Variants in ZNF766 observed in about 807,000 individuals in gnomAD.
ZNF766 encodes the protein zinc finger protein 766.
ZNF766 carries 13 observed loss-of-function variants against 13.2 expected under a neutral mutation model. The observed-to-expected ratio is 0.98, with a 90% confidence interval of 0.64 to 1.56. ZNF766 has a LOEUF of 1.56. Ranked by LOEUF, ZNF766 falls within the 40% of genes most tolerant of loss-of-function variation. The probability of loss-of-function intolerance (pLI) is 0.00; values close to 1 mark genes in which losing one functional copy is unlikely to be tolerated. For missense variants in ZNF766, 521 were observed against 552.2 expected, an observed-to-expected ratio of 0.94 and a Z score of 0.57; for synonymous variants, 178 against 187.6, an observed-to-expected ratio of 0.95 and a Z score of 0.42.
chr19:52,271,295 G>A (rs1456113177), intron 1 of ZNF766, among the ~76,000 whole-genome samples: 1 of 152,158 alleles, frequency 6.6e-6, no homozygotes, highest in Non-Finnish European at 1.5e-5. Context: ...CCTTAACTGG[G>A]ATCTGATTCT....
intron 3 of ZNF766, among the ~76,000 whole-genome samples, chr19:52,283,896 C>CTT (rs1349732183): frequency 1.3e-5 from 2 of 152,146 alleles, no homozygotes; most frequent in Non-Finnish European, 2.9e-5. Flanking sequence ...CGCCACCACG[C>CTT]CCAGCTAATT....
chr19:52,269,736 C>T lies in ZNF766; in HGVS notation c.18+105C>T, dbSNP rs951679438. On this transcript the variant is annotated intron_variant, in intron 1 of 3. Coordinates refer to ENST00000439461, the MANE Select transcript of ZNF766 (RefSeq NM_001010851.3). ...CAGACCTTGAAATCCCCGCACCGCT[C>T]TCTCCACCCCGAGTAAATTCATGCG... 12 of 1,393,776 alleles carry T rather than the reference C, an allele frequency of 8.6e-6. No homozygotes were observed. The African/African-American group carries it at 1.1e-4, about 13-fold the overall frequency. 86.3% of individuals were successfully genotyped at this position (1,393,776 alleles called of 1,614,324 possible). A position where few individuals can be genotyped will look rare whatever the true frequency, so the allele number is the denominator to read the frequency against.
intron 1 of ZNF766, among the ~76,000 whole-genome samples, chr19:52,280,960 C>G (rs1425629507): frequency 6.6e-6 from 1 of 151,428 alleles, no homozygotes; most frequent in African/African-American, 2.4e-5. Context: ...GAGTTCGAGA[C>G]CAGCCTGACC....
intron 3 of ZNF766, among the ~76,000 whole-genome samples, chr19:52,289,530 C>G (rs938176027): frequency 6.6e-6 from 1 of 152,156 alleles, no homozygotes; most frequent in Non-Finnish European, 1.5e-5. Context: ...TTGTATTTCT[C>G]TACTCATAAT....
rs572629051 is a variant in ZNF766 at position 52,284,018 on chromosome 19, A to G, written c.274+605A>G. Reference sequence around the variant, plus strand: ...CCGAAAGTGCTGGGATTATGGTGTCAGCCACCGCGCCCAGCCCACGCTGTC... The same window carrying G: ...CCGAAAGTGCTGGGATTATGGTGTCGGCCACCGCGCCCAGCCCACGCTGTC... On this transcript the variant is annotated intron_variant, in intron 3 of 3. Coordinates refer to ENST00000439461, the MANE Select transcript of ZNF766 (RefSeq NM_001010851.3). 3.9e-5 allele frequency among the ~76,000 whole-genome samples: 6 copies of G among 152,332 alleles called. No individual in the cohort carries two copies. The South Asian group carries it at 1.0e-3, about 26-fold the overall frequency.
At chr19:52,283,207 A>G (rs1817021161) in intron 2 of ZNF766, 78 bp from the exon 3 acceptor site, 2 of 1,515,772 alleles carry the variant, frequency 1.3e-6, no homozygotes, top group Admixed American at 4.5e-5. Context: ...AATTTTTAAT[A>G]TCATCTCTGC....
At chr19:52,270,142 C>G (rs2122454485) in intron 1 of ZNF766, among the ~76,000 whole-genome samples, 1 of 152,186 alleles carries the variant, frequency 6.6e-6, no homozygotes, top group South Asian at 2.1e-4. Context: ...GGGGAGGTGG[C>G]CGGGACCTAT....
chr19:52,281,860 T>C (rs1251390698), intron 1 of ZNF766: 5 of 539,466 alleles, frequency 9.3e-6, no homozygotes, highest in Non-Finnish European at 1.8e-5. Context: ...CAGAGACACT[T>C]GTATGCTAGC....
chr19:52,282,803 G>C (rs1981596728), intron 2 of ZNF766, among the ~76,000 whole-genome samples: 1 of 152,104 alleles, frequency 6.6e-6, no homozygotes, highest in African/African-American at 2.4e-5. Context: ...AAAATATCCA[G>C]TTCCCTGTTT....
At chr19:52,286,486 G>A (rs1346650508) in intron 3 of ZNF766, among the ~76,000 whole-genome samples, 1 of 151,982 alleles carries the variant, frequency 6.6e-6, no homozygotes, top group Non-Finnish European at 1.5e-5. Flanking sequence ...GTGTTAGCCA[G>A]GCTGGTCTGG....
chr19:52,292,064 G>T lies in ZNF766; in HGVS notation c.*866G>T. 1 of 687,320 alleles carries T rather than the reference G, an allele frequency of 1.5e-6. No individual in the cohort carries two copies. The highest frequency in any genetic ancestry group is 2.7e-5 in the East Asian group (1 of 37,074). The allele number at this position is 687,320 out of a possible 1,614,324, so 42.6% of individuals were successfully genotyped here. A position where few individuals can be genotyped will look rare whatever the true frequency, so the allele number is the denominator to read the frequency against. On this transcript the variant is annotated 3_prime_UTR_variant, in exon 4 of 4. Coordinates refer to ENST00000439461, the MANE Select transcript of ZNF766 (RefSeq NM_001010851.3). ...TGTACTCCAGCTTGGGTGACAGAGC[G>T]AGACCCTGTCTCAAAAGAAAAAAAA...
At position 52,295,549 on chromosome 19, in the gene ZNF766, A is replaced by G. The variant is rs918759850; in HGVS notation, c.*4351A>G. On this transcript the variant is annotated 3_prime_UTR_variant, in exon 4 of 4. Transcript: ENST00000439461. ...AGTGAAAATTTTAGGGGACACAAAA[A>G]TGAGACTGTTGTTTGGAGACAATAT... 1 of 152,344 alleles carries G rather than the reference A, an allele frequency of 6.6e-6. No homozygotes were observed. Among genetic ancestry groups the G allele is most frequent in the Non-Finnish European group, 1.5e-5 (1 of 68,024 alleles). 9.4% of individuals were successfully genotyped at this position (152,344 alleles called of 1,614,324 possible).
At chr19:52,269,809 C>T (rs1219546457) in intron 1 of ZNF766, among the ~76,000 whole-genome samples, 178 bp downstream of exon 1, 1 of 152,202 alleles carries the variant, frequency 6.6e-6, no homozygotes, top group Non-Finnish European at 1.5e-5. Context: ...TGTCTCCGGT[C>T]GTTCTGCCGT....
intron 1 of ZNF766, among the ~76,000 whole-genome samples, chr19:52,272,836 C>T (rs1406904123): frequency 6.6e-6 from 1 of 152,124 alleles, no homozygotes; most frequent in Non-Finnish European, 1.5e-5. Flanking sequence ...CCTCACTTCT[C>T]TGCTGGGACA....
rs891266291 is a variant in ZNF766 at position 52,292,815 on chromosome 19, T to A, written c.*1617T>A. The A allele has an allele frequency of 5.3e-5, 8 of 152,358 alleles. No homozygotes were observed. The highest frequency in any genetic ancestry group is 1.9e-4 in the East Asian group (1 of 5,188). The allele number at this position is 152,358 out of a possible 1,614,324, so 9.4% of individuals were successfully genotyped here. ...AATAATAAGGCACCATTAGGATTTT[T>A]AAATTAATTTATTTTTAAAATTAAA... On this transcript the variant is annotated 3_prime_UTR_variant, in exon 4 of 4. Transcript: ENST00000439461.
rs755469946 is a variant in ZNF766, at chr19:52,283,308, A to G, written c.169A>G (p.Ile57Val). Residue 57 changes from isoleucine (I) to valine (V), a missense_variant, in exon 3 of 4, where the codon ATT becomes GTT. Transcript: ENST00000439461. ...AGGAATCTGTCTTCCTGACCTGAGT[A>G]TTATCTCCATGATGAAGCAAAGGAC... ...SLGICLPDLS[I>V]ISMMKQRTEP... The G allele has an allele frequency of 1.2e-6, 2 of 1,613,792 alleles. No individual in the cohort carries two copies. Among genetic ancestry groups the G allele is most frequent in the Non-Finnish European group, 1.7e-6 (2 of 1,179,920 alleles).
At chr19:52,283,055 C>T (rs1173889947) in intron 2 of ZNF766, among the ~76,000 whole-genome samples, 1 of 152,130 alleles carries the variant, frequency 6.6e-6, no homozygotes, top group East Asian at 1.9e-4. Context: ...CTTGAGGAAT[C>T]GCCGCACTGT....
intron 1 of ZNF766, among the ~76,000 whole-genome samples, chr19:52,271,796 C>T (rs1980986207): frequency 6.6e-6 from 1 of 152,048 alleles, no homozygotes; most frequent in Admixed American, 6.6e-5. Context: ...CCCATGTCTA[C>T]TAAAAATACA....
intron 1 of ZNF766, among the ~76,000 whole-genome samples, chr19:52,275,411 A>G (rs976078802): frequency 2.0e-5 from 3 of 152,248 alleles, no homozygotes; most frequent in Non-Finnish European, 4.4e-5. Context: ...TTAAAAGTTT[A>G]TACAGTAAAA....
Sources: gnomAD v4.1 joint callset for allele counts (sites outside exome capture counted in the v4.1 genomes callset) on GRCh38, gnomAD v4.1.1 for gene constraint, MANE v1.5 for transcripts, NCBI Gene and HGNC (gene_info 2026-07-23, HGNC 2026-07-21) for gene names.